Variants in FBXL7 observed in about 807,000 individuals in gnomAD.
FBXL7 encodes F-box and leucine rich repeat protein 7, also known as F-box/LRR-repeat protein 7.
In FBXL7, 12 loss-of-function variants were observed where a neutral mutation model predicts 38.3. The observed-to-expected ratio is 0.31, with a 90% CI of 0.20 to 0.51. The LOEUF (loss-of-function observed/expected upper bound fraction) is 0.51, where lower values mean the gene tolerates loss of function less well. FBXL7 is among the 20% of genes least tolerant of loss of function. FBXL7 has a pLI of 0.98. For synonymous variants in FBXL7, 297 were observed against 300.9 expected (o/e 0.99, Z 0.13); for missense variants, 567 against 676.4 (o/e 0.84, Z 1.79).
intron 2 of FBXL7, among the ~76,000 whole-genome samples, chr5:15,816,617 A>G (rs1336568380): frequency 1.3e-5 from 2 of 152,170 alleles, no homozygotes. Flanking sequence ...TCCATATAAA[A>G]ACACTTGTAC....
rs568371539 is a variant in FBXL7 at position 15,735,672 on chromosome 5, A to G, written c.127+119600A>G. On this transcript the variant is annotated intron_variant, in intron 2 of 3. Transcript: ENST00000504595. ...GGATTTTAGAATAGAGGTTAAATGT[A>G]AGAAGTAGACACATTCAAGGATAAT... 7.2e-5 allele frequency among the ~76,000 whole-genome samples: 11 copies of G among 152,350 alleles called. No homozygotes were observed. The East Asian group carries it at 2.1e-3, about 29-fold the overall frequency.
At chr5:15,501,434 C>G (rs1363516748) in intron 1 of FBXL7, 1 of 985,552 alleles carries the variant, frequency 1.0e-6, no homozygotes, top group Non-Finnish European at 1.2e-6. Context: ...TCCTCCCACT[C>G]TGCATAAAAC....
At chr5:15,710,100 T>C (rs1743816234) in intron 2 of FBXL7, among the ~76,000 whole-genome samples, 1 of 152,132 alleles carries the variant, frequency 6.6e-6, no homozygotes, top group South Asian at 2.1e-4. Context: ...TTTCTCAACA[T>C]AGCAAGCAGG....
chr5:15,745,762 A>G (rs1025559579), intron 2 of FBXL7, among the ~76,000 whole-genome samples: 3 of 152,216 alleles, frequency 2.0e-5, no homozygotes, highest in African/African-American at 7.2e-5. Flanking sequence ...CAGTGGGGTC[A>G]GGATGATGGG....
At chr5:15,597,495 TAAAAAAAA>T (rs35742221) in intron 1 of FBXL7, among the ~76,000 whole-genome samples, 21 of 114,896 alleles carry the variant, frequency 1.8e-4, no homozygotes, top group African/African-American at 6.2e-4. Context: ...TATCATTTTG[TAAAAAAAA>T]AAAAAAAAAA....
chr5:15,802,655 C>T (rs902781525), intron 2 of FBXL7, among the ~76,000 whole-genome samples: 3 of 149,370 alleles, frequency 2.0e-5, no homozygotes, highest in Non-Finnish European at 4.4e-5. Flanking sequence ...ACCACATCAT[C>T]CTTTTTTTTT....
At chr5:15,746,738 C>G (rs1561110095) in intron 2 of FBXL7, among the ~76,000 whole-genome samples, 1 of 152,042 alleles carries the variant, frequency 6.6e-6, no homozygotes, top group Non-Finnish European at 1.5e-5. Flanking sequence ...CCATCTAAGA[C>G]AGTGCTTTTC....
intron 2 of FBXL7, among the ~76,000 whole-genome samples, chr5:15,915,702 G>T (rs556020259): frequency 6.6e-6 from 1 of 152,246 alleles, no homozygotes; most frequent in South Asian, 2.1e-4. Context: ...GCTAGTCAAG[G>T]TTTTGATGCC....
At chr5:15,618,016 G>C (rs570149066) in intron 2 of FBXL7, among the ~76,000 whole-genome samples, 1 of 152,210 alleles carries the variant, frequency 6.6e-6, no homozygotes, top group East Asian at 1.9e-4. Flanking sequence ...CTGTGTTGCA[G>C]GGGTTGGGGG....
At chr5:15,574,321 T>A (rs1219085903) in intron 1 of FBXL7, among the ~76,000 whole-genome samples, 1 of 152,220 alleles carries the variant, frequency 6.6e-6, no homozygotes, top group Non-Finnish European at 1.5e-5. Flanking sequence ...GAAATGCTTA[T>A]TAAGCAATAA....
At chr5:15,900,844 G>C (rs1450120414) in intron 2 of FBXL7, among the ~76,000 whole-genome samples, 2 of 152,182 alleles carry the variant, frequency 1.3e-5, no homozygotes, top group Non-Finnish European at 2.9e-5. Context: ...CAGGCTTCCA[G>C]TTTTCTTTAG....
chr5:15,896,222 C>T (rs769187120), intron 2 of FBXL7, among the ~76,000 whole-genome samples: 1 of 152,056 alleles, frequency 6.6e-6, no homozygotes, highest in Non-Finnish European at 1.5e-5. Flanking sequence ...GATGGGGTTT[C>T]ACCATGTTGG....
chr5:15,590,536 C>T (rs578095346), intron 1 of FBXL7, among the ~76,000 whole-genome samples: 1 of 152,214 alleles, frequency 6.6e-6, no homozygotes, highest in Non-Finnish European at 1.5e-5. Context: ...TATCTGTCTT[C>T]TCTAGCCCTA....
intron 2 of FBXL7, among the ~76,000 whole-genome samples, chr5:15,621,526 A>G (rs185958133): frequency 1.3e-5 from 2 of 152,178 alleles, no homozygotes; most frequent in Admixed American, 6.5e-5. Context: ...CACACAGCAG[A>G]GCATGTTGAG....
chr5:15,772,287 G>A (rs112858883), intron 2 of FBXL7, among the ~76,000 whole-genome samples: 3 of 152,094 alleles, frequency 2.0e-5, no homozygotes, highest in African/African-American at 7.2e-5. Context: ...ACAGGTGCTC[G>A]CATCCCTCAT....
chr5:15,648,918 G>T (rs369191062), intron 2 of FBXL7, among the ~76,000 whole-genome samples: 23 of 149,876 alleles, frequency 1.5e-4, no homozygotes, highest in Non-Finnish European at 2.5e-4. Context: ...TTTGGAGCCA[G>T]ATTTGTTCTT....
At chr5:15,612,344 T>C (rs1740272452) in intron 1 of FBXL7, among the ~76,000 whole-genome samples, 1 of 152,150 alleles carries the variant, frequency 6.6e-6, no homozygotes, top group African/African-American at 2.4e-5. Context: ...TTTATTAGAG[T>C]GCTCAATGAA....
intron 1 of FBXL7, among the ~76,000 whole-genome samples, chr5:15,604,295 T>G (rs1318556283): frequency 1.3e-5 from 2 of 152,176 alleles, no homozygotes; most frequent in African/African-American, 4.8e-5. Context: ...AAGAAAACCC[T>G]TCTCCACCAA....
At chr5:15,905,752 G>C (rs1349025979) in intron 2 of FBXL7, among the ~76,000 whole-genome samples, 1 of 152,132 alleles carries the variant, frequency 6.6e-6, no homozygotes, top group African/African-American at 2.4e-5. Flanking sequence ...CATCAGAAAA[G>C]TGTGAATATT....
Sources: gnomAD v4.1 joint callset for allele counts (sites outside exome capture counted in the v4.1 genomes callset) on GRCh38, gnomAD v4.1.1 for gene constraint, MANE v1.5 for transcripts, NCBI Gene and HGNC (gene_info 2026-07-23, HGNC 2026-07-21) for gene names.